The following USP34 variants were observed in gnomAD, a reference collection of about 807,000 sequenced individuals.
USP34 encodes the protein ubiquitin carboxyl-terminal hydrolase 34.
In USP34, 70 loss-of-function variants were observed where a neutral mutation model predicts 460.3. That is an observed-to-expected ratio of 0.15 (90% CI 0.13 to 0.19). The LOEUF (loss-of-function observed/expected upper bound fraction) is 0.19, where lower values mean the gene tolerates loss of function less well. Among genes scored for constraint, USP34 ranks in the 10% least tolerant of loss-of-function variants. USP34 has a pLI of 1.00. For missense variants in USP34, 3,985 were observed against 4,236.2 expected, an observed-to-expected ratio of 0.94 and a Z score of 1.65; for synonymous variants, 1,647 against 1,405.3, an observed-to-expected ratio of 1.17 and a Z score of -3.85.
In USP34 at chr2:61,187,798, A is replaced by G. The variant is rs1267327849; in HGVS notation, c.*304T>C. ...TAAAAATGCTGTAAGTTTAAATTAC[A>G]TTGTACAGGGCTAGGCAACCCTGTT... On this transcript the variant is annotated 3_prime_UTR_variant, in exon 80 of 80. Coordinates refer to ENST00000398571, the MANE Select transcript of USP34 (RefSeq NM_014709.4). 3.6e-6 allele frequency: 3 copies of G among 837,864 alleles called. No homozygotes were observed. The highest frequency in any genetic ancestry group is 1.8e-5 in the African/African-American group (1 of 55,038). The allele number at this position is 837,864 out of a possible 1,614,324, so 51.9% of individuals were successfully genotyped here. A position where few individuals can be genotyped will look rare whatever the true frequency, so the allele number is the denominator to read the frequency against.
intron 18 of USP34, 35 bp from the exon 19 acceptor site, chr2:61,334,006 G>T (rs779864832): frequency 7.6e-6 from 11 of 1,440,346 alleles, no homozygotes; most frequent in South Asian, 1.3e-5. Context: ...AATAATTTTA[G>T]TAATTCTTTT....
intron 43 of USP34, among the ~76,000 whole-genome samples, chr2:61,261,028 G>A (rs769580444): frequency 5.9e-5 from 9 of 152,298 alleles, no homozygotes; most frequent in African/African-American, 1.9e-4. Context: ...AATGTCAAGT[G>A]TTAGCAAGGA....
intron 62 of USP34, among the ~76,000 whole-genome samples, chr2:61,225,809 A>G (rs1471794642): frequency 6.6e-6 from 1 of 152,210 alleles, no homozygotes; most frequent in African/African-American, 2.4e-5. Context: ...TATATTGTTG[A>G]TTCATTAACG....
rs1687643452 is a variant in USP34 at position 61,223,379 on chromosome 2, T to G, written c.7596-83A>C. The stretch of plus-strand genomic sequence containing the variant: ...ATTTACAACATGTATCAAAAATTGT[T>G]GATTCAATTATAATTGTATTAACCT... On this transcript the variant is annotated intron_variant, in intron 62 of 79. Coordinates refer to ENST00000398571, the MANE Select transcript of USP34 (RefSeq NM_014709.4). The G allele has an allele frequency of 1.0e-5, 14 of 1,346,104 alleles. No homozygotes were observed. The South Asian group carries it at 1.8e-4, about 17-fold the overall frequency. 83.4% of individuals were successfully genotyped at this position (1,346,104 alleles called of 1,614,324 possible). A position where few individuals can be genotyped will look rare whatever the true frequency, so the allele number is the denominator to read the frequency against.
At chr2:61,419,258 T>G (rs1325042699) in intron 2 of USP34, among the ~76,000 whole-genome samples, 5 of 151,888 alleles carry the variant, frequency 3.3e-5, no homozygotes, top group Admixed American at 6.6e-5. Context: ...TAGGCTCAAG[T>G]GATCCTCCAC....
chr2:61,280,339 AATC>A lies in USP34; in HGVS notation c.5158_5160del (p.Asp1720del). On this transcript the variant is annotated inframe_deletion, in exon 39 of 80. Transcript: ENST00000398571. ...GGTTTTAATATTGGTTCTTCCTCAT[AATC>A]ATCTATCTATTAAAAAAATTTTATA... The A allele has an allele frequency of 6.6e-7, 1 of 1,507,786 alleles. No individual in the cohort carries two copies. Among genetic ancestry groups the A allele is most frequent in the East Asian group, 2.4e-5 (1 of 41,300 alleles). The allele number at this position is 1,507,786 out of a possible 1,614,324, so 93.4% of individuals were successfully genotyped here.
rs1388791586 is a variant in USP34, at chr2:61,348,020, G to C, written c.2135C>G (p.Thr712Ser). The change falls in exon 15 of 80, where the codon ACT (threonine) becomes AGT (serine). Residue 712 changes from threonine (T) to serine (S), a missense_variant. By Grantham distance (58) the Thr-to-Ser change is moderately conservative. Coordinates refer to ENST00000398571, the MANE Select transcript of USP34 (RefSeq NM_014709.4). The part of the protein sequence containing the change: ...EHDISGEMNA[T>S]HIAQGSQESC... The stretch of plus-strand genomic sequence containing the variant: ...CTCCTGAGACCCTTGTGCTATATGA[G>C]TAGCATTCATTTCCCCTGAAATATC... The C allele has an allele frequency of 1.2e-6, 2 of 1,614,158 alleles. No homozygotes were observed. The highest frequency in any genetic ancestry group is 1.7e-6 in the Non-Finnish European group (2 of 1,180,018).
In USP34 at chr2:61,236,204, C is replaced by A. The variant is rs1314790117; in HGVS notation, c.6875G>T (p.Ser2292Ile). ...FMWQLCSCIP[S>I]TLPDPKAVSL... ...CACAGCTTTAGGATCTGGTAATGTA[C>A]TGGGAATACAACTACACAATTGCCA... The change falls in exon 55 of 80, where the codon AGT becomes ATT. Residue 2292 changes from serine to isoleucine, a missense_variant. This residue lies in a region of USP34 where 604 missense variants were observed against 684.8 expected (regional missense o/e 0.88). Coordinates refer to ENST00000398571, the MANE Select transcript of USP34 (RefSeq NM_014709.4). 6.2e-7 allele frequency: 1 copy of A among 1,612,226 alleles called. No homozygotes were observed. The highest frequency in any genetic ancestry group is 1.1e-5 in the South Asian group (1 of 90,544).
chr2:61,365,183 G>A (rs1175383596), intron 10 of USP34, among the ~76,000 whole-genome samples: 1 of 150,518 alleles, frequency 6.6e-6, no homozygotes, highest in Non-Finnish European at 1.5e-5. Context: ...ACCAGGGAGG[G>A]AGAGGTTGCA....
intron 5 of USP34, among the ~76,000 whole-genome samples, chr2:61,387,863 A>G (rs575569432): frequency 3.3e-4 from 50 of 149,966 alleles, no homozygotes; most frequent in Admixed American, 2.4e-3. Flanking sequence ...AAAAATATAT[A>G]TTTTTACGTA....
intron 8 of USP34, among the ~76,000 whole-genome samples, chr2:61,376,743 G>A (rs1185547772): frequency 6.6e-6 from 1 of 152,178 alleles, no homozygotes; most frequent in Non-Finnish European, 1.5e-5. Flanking sequence ...CTGTCTCCGG[G>A]TTTAAGTGAT....
intron 2 of USP34, among the ~76,000 whole-genome samples, chr2:61,418,306 C>G (rs1694258720): frequency 6.6e-6 from 1 of 152,200 alleles, no homozygotes; most frequent in Non-Finnish European, 1.5e-5. Context: ...TCTCGAACTC[C>G]TGACCTCAGG....
chr2:61,206,802 G>T lies in USP34; in HGVS notation c.9004C>A (p.Leu3002Ile), dbSNP rs1243144923. The T allele has an allele frequency of 1.2e-6, 2 of 1,613,726 alleles. No homozygotes were observed. Among genetic ancestry groups the T allele is most frequent in the East Asian group, 2.2e-5 (1 of 44,868 alleles). ...GDLVELLSIF[L>I]SVLKSTRPYL... The stretch of plus-strand genomic sequence containing the variant: ...GGGCGTGTAGACTTCAAAACCGAAA[G>T]AAATATTGACAGAAGTTCTACTAAA... Residue 3002 changes from leucine to isoleucine, a missense_variant, in exon 71 of 80, where the codon CTT (leucine) becomes ATT (isoleucine). Physicochemically the swap from Leu to Ile is conservative, Grantham distance 5. This residue lies in a region of USP34 where 275 missense variants were observed against 292.7 expected (regional missense o/e 0.94). Coordinates refer to ENST00000398571, the MANE Select transcript of USP34 (RefSeq NM_014709.4).
intron 10 of USP34, among the ~76,000 whole-genome samples, chr2:61,364,482 A>G (rs1352233391): frequency 5.3e-5 from 8 of 152,242 alleles, no homozygotes; most frequent in Non-Finnish European, 1.2e-4. Context: ...TTGCATACAG[A>G]TAGTGGTGAT....
intron 1 of USP34, among the ~76,000 whole-genome samples, chr2:61,462,743 C>T (rs1331711120): frequency 1.3e-5 from 2 of 151,630 alleles, no homozygotes; most frequent in Non-Finnish European, 2.9e-5. Flanking sequence ...TGCCTATAAT[C>T]CCAGCTACTT....
In USP34 at chr2:61,470,721, G is replaced by T. The variant is rs758048343; in HGVS notation, c.-29C>A. The stretch of plus-strand genomic sequence containing the variant: ...TCGGCCGCCGCCCCCCCCCTCCCCC[G>T]CTTCGGATCACACTGACTGATCCCG... On this transcript the variant is annotated 5_prime_UTR_variant, in exon 1 of 80. Transcript: ENST00000398571. The T allele has an allele frequency of 3.9e-6, 6 of 1,553,692 alleles. No individual in the cohort carries two copies. Among genetic ancestry groups the T allele is most frequent in the African/African-American group, 1.4e-5 (1 of 70,920 alleles).
chr2:61,341,509 T>C (rs889427385), intron 16 of USP34, among the ~76,000 whole-genome samples: 1 of 152,122 alleles, frequency 6.6e-6, no homozygotes, highest in Non-Finnish European at 1.5e-5. Flanking sequence ...GTCCTCACCA[T>C]AGTGTGAATT....
chr2:61,349,581 C>G (rs1308056922), intron 12 of USP34, among the ~76,000 whole-genome samples: 2 of 152,126 alleles, frequency 1.3e-5, no homozygotes, highest in East Asian at 3.9e-4. Context: ...TGGGTCACGC[C>G]TGTAACCCCA....
At chr2:61,433,979 C>G (rs1694746000) in intron 1 of USP34, among the ~76,000 whole-genome samples, 1 of 152,110 alleles carries the variant, frequency 6.6e-6, no homozygotes, top group African/African-American at 2.4e-5. Context: ...CTCCCACAAC[C>G]AGACCACACT....
Sources: allele counts gnomAD v4.1 joint callset (sites outside exome capture counted in the v4.1 genomes callset), GRCh38; gene constraint gnomAD v4.1.1; regional missense constraint gnomAD v4.1.1; transcripts MANE v1.5; gene names NCBI Gene and HGNC (gene_info 2026-07-23, HGNC 2026-07-21).